Variants in ST18 observed in about 807,000 individuals in gnomAD.
ST18 encodes the protein ST18 C2H2C-type zinc finger transcription factor.
ST18 carries 50 observed loss-of-function variants against 110.0 expected under a neutral mutation model. The observed-to-expected ratio is 0.45, with a 90% CI of 0.36 to 0.58. The LOEUF is 0.58. Ranked by LOEUF, ST18 falls within the 20% of genes least tolerant of loss-of-function variation. ST18 has a pLI of 0.00. For synonymous variants in ST18, 461 were observed against 452.4 expected, an observed-to-expected ratio of 1.02 and a Z score of -0.24; for missense variants, 1,306 against 1,280.1, an observed-to-expected ratio of 1.02 and a Z score of -0.31.
chr8:52,209,788 A>AAAATATAT (rs1554719674), intron 8 of ST18, among the ~76,000 whole-genome samples: 1 of 105,700 alleles, frequency 9.5e-6, no homozygotes, highest in African/African-American at 4.5e-5. Flanking sequence ...AAAAAAAAAA[A>AAAATATAT]ATATATATAT....
intron 8 of ST18, among the ~76,000 whole-genome samples, chr8:52,181,063 A>AT (rs1209078759): frequency 2.6e-5 from 4 of 152,210 alleles, no homozygotes; most frequent in African/African-American, 4.8e-5. Context: ...TTTCCTACAT[A>AT]TAGCTCACTC....
chr8:52,250,743 C>G (rs2094250214), intron 2 of ST18, among the ~76,000 whole-genome samples: 1 of 151,396 alleles, frequency 6.6e-6, no homozygotes, highest in Non-Finnish European at 1.5e-5. Context: ...TATCATAGAT[C>G]AATTAACTGG....
intron 2 of ST18, among the ~76,000 whole-genome samples, chr8:52,274,333 A>G (rs2095169500): frequency 1.3e-5 from 2 of 152,172 alleles, no homozygotes; most frequent in African/African-American, 4.8e-5. Context: ...AAAATGTTTT[A>G]CGTAGATAAG....
At chr8:52,237,646 G>T (rs527246556) in intron 2 of ST18, among the ~76,000 whole-genome samples, 3 of 152,190 alleles carry the variant, frequency 2.0e-5, no homozygotes, top group African/African-American at 7.2e-5. Flanking sequence ...TTATATTTCA[G>T]TGTGGGAGCC....
chr8:52,398,517 C>T (rs1486003119), intron 2 of ST18, among the ~76,000 whole-genome samples: 3 of 152,164 alleles, frequency 2.0e-5, no homozygotes, highest in Non-Finnish European at 2.9e-5. Context: ...CTTTCAGTTG[C>T]TCACCATTGA....
chr8:52,361,498 A>T (rs896313113), intron 2 of ST18, among the ~76,000 whole-genome samples: 2 of 152,216 alleles, frequency 1.3e-5, no homozygotes, highest in African/African-American at 4.8e-5. Context: ...CTCATTGCCA[A>T]TAAGCTGAAA....
intron 2 of ST18, among the ~76,000 whole-genome samples, chr8:52,393,419 T>C (rs1289700058): frequency 6.6e-6 from 1 of 152,084 alleles, no homozygotes; most frequent in Non-Finnish European, 1.5e-5. Context: ...TCAAAATGCA[T>C]TGCAACACAT....
chr8:52,291,821 C>CA (rs1249700373), intron 2 of ST18, among the ~76,000 whole-genome samples: 1 of 152,026 alleles, frequency 6.6e-6, no homozygotes, highest in African/African-American at 2.4e-5. Flanking sequence ...GTTACCCAGG[C>CA]AGGAGTGCCG....
chr8:52,354,526 A>G (rs1002149879), intron 2 of ST18, among the ~76,000 whole-genome samples: 3 of 152,204 alleles, frequency 2.0e-5, no homozygotes, highest in Non-Finnish European at 1.5e-5. Context: ...TCCAAGTAAA[A>G]AGCTTCAGCA....
In ST18 at chr8:52,149,717, A is replaced by G. The variant is rs775768910; in HGVS notation, c.2052+15T>C. The stretch of plus-strand genomic sequence containing the variant: ...TGCTGTCTTCAACTTATTGATTGAC[A>G]TATGGAAACAATACCTCTTTCTCCT... On this transcript the variant is annotated intron_variant, in intron 16 of 25. Transcript: ENST00000689386. 4 of 1,610,654 alleles carry G rather than the reference A, an allele frequency of 2.5e-6. No individual in the cohort carries two copies. Among genetic ancestry groups the G allele is most frequent in the Middle Eastern group, 1.7e-4 (1 of 6,038 alleles).
At chr8:52,235,617 T>A (rs1004381879) in intron 2 of ST18, among the ~76,000 whole-genome samples, 1 of 152,228 alleles carries the variant, frequency 6.6e-6, no homozygotes, top group African/African-American at 2.4e-5. Context: ...AAAGTGATGC[T>A]GGTGAAAACA....
At chr8:52,259,132 G>A (rs1301511459) in intron 2 of ST18, among the ~76,000 whole-genome samples, 1 of 152,134 alleles carries the variant, frequency 6.6e-6, no homozygotes, top group South Asian at 2.1e-4. Context: ...GCATCCTTGA[G>A]GTAGTCAGTA....
intron 12 of ST18, 39 bp downstream of exon 12, chr8:52,165,096 T>G (rs750592073): frequency 1.9e-6 from 3 of 1,605,144 alleles, no homozygotes; most frequent in Non-Finnish European, 1.7e-6. Flanking sequence ...TCTACCACAT[T>G]TTTTAAATGC....
At chr8:52,362,501 T>C (rs906890510) in intron 2 of ST18, among the ~76,000 whole-genome samples, 1 of 152,152 alleles carries the variant, frequency 6.6e-6, no homozygotes, top group Admixed American at 6.5e-5. Flanking sequence ...GATTAAACAG[T>C]CATAGTACAA....
At chr8:52,280,021 A>G (rs1354038074) in intron 2 of ST18, among the ~76,000 whole-genome samples, 1 of 152,174 alleles carries the variant, frequency 6.6e-6, no homozygotes, top group Non-Finnish European at 1.5e-5. Context: ...TTAAAGTTTG[A>G]AAATAATACA....
intron 2 of ST18, among the ~76,000 whole-genome samples, chr8:52,254,757 G>C (rs2094471588): frequency 6.6e-6 from 1 of 152,110 alleles, no homozygotes; most frequent in African/African-American, 2.4e-5. Context: ...TGAGTGAATG[G>C]GCTGAGTTAA....
chr8:52,126,686 T>A (rs2047202978), intron 22 of ST18, among the ~76,000 whole-genome samples: 1 of 152,240 alleles, frequency 6.6e-6, no homozygotes, highest in Non-Finnish European at 1.5e-5. Flanking sequence ...TTTTAATTTT[T>A]TTCTTTAACT....
At chr8:52,369,379 G>A (rs1829401123) in intron 2 of ST18, among the ~76,000 whole-genome samples, 2 of 152,178 alleles carry the variant, frequency 1.3e-5, no homozygotes, top group South Asian at 4.1e-4. Context: ...TTAAGAAAAA[G>A]AGAAATACTC....
intron 2 of ST18, among the ~76,000 whole-genome samples, chr8:52,388,558 G>A (rs997434548): frequency 6.6e-6 from 1 of 152,068 alleles, no homozygotes; most frequent in African/African-American, 2.4e-5. Context: ...TTGAGTATTG[G>A]TCCCAGTCTC....
Sources: gnomAD v4.1 joint callset for allele counts (sites outside exome capture counted in the v4.1 genomes callset) on GRCh38, gnomAD v4.1.1 for gene constraint, MANE v1.5 for transcripts, NCBI Gene and HGNC (gene_info 2026-07-23, HGNC 2026-07-21) for gene names.